Variants in KLRD1 observed in about 807,000 individuals in gnomAD.
KLRD1 encodes natural killer cells antigen CD94.
A neutral mutation model predicts 22.6 loss-of-function variants in KLRD1; 21 were observed. That is an observed-to-expected ratio of 0.93 (90% CI 0.66 to 1.34). The LOEUF is 1.34. Ranked by LOEUF, KLRD1 falls within the 40% of genes most tolerant of loss-of-function variation. The pLI is 0.00. For missense variants in KLRD1, 183 were observed against 208.6 expected (o/e 0.88, Z 0.76); for synonymous variants, 59 against 71.1 (o/e 0.83, Z 0.85).
chr12:10,247,292 A>G (rs562287154), intron 1 of KLRD1, among the ~76,000 whole-genome samples: 1 of 152,164 alleles, frequency 6.6e-6, no homozygotes, highest in South Asian at 2.1e-4. Context: ...CTGAATTTTT[A>G]TATTTCTAAT....
At chr12:10,287,201 A>G (rs941880269) in intron 1 of KLRD1, among the ~76,000 whole-genome samples, 27 of 151,984 alleles carry the variant, frequency 1.8e-4, no homozygotes, top group Admixed American at 1.1e-3. Context: ...ATGATTAAAA[A>G]CCGTGGTGAA....
At chr12:10,244,397 C>T (rs1949271602) in intron 1 of KLRD1, among the ~76,000 whole-genome samples, 3 of 152,124 alleles carry the variant, frequency 2.0e-5, no homozygotes. Flanking sequence ...CACTCAATTT[C>T]AGTCAGTGTC....
In KLRD1 at chr12:10,324,561, A is replaced by T. The variant is rs1950341755; in HGVS notation, c.*9768A>T. The T allele has an allele frequency of 6.6e-6, 1 of 151,876 alleles. No individual in the cohort carries two copies. The highest frequency in any genetic ancestry group is 1.5e-5 in the Non-Finnish European group (1 of 67,958). 9.4% of individuals were successfully genotyped at this position (151,876 alleles called of 1,614,324 possible). ...AGTTCTATCCATGTTCCTGCAAAGG[A>T]CATGATTTTTTTCTTTTTTATGTCT... is the stretch of plus-strand genomic sequence containing the variant. On this transcript the variant is annotated 3_prime_UTR_variant, in exon 6 of 6. Transcript: ENST00000336164.
At chr12:10,269,309 C>T (rs1197079264) in intron 1 of KLRD1, among the ~76,000 whole-genome samples, 1 of 152,070 alleles carries the variant, frequency 6.6e-6, no homozygotes, top group East Asian at 1.9e-4. Flanking sequence ...TGCCACCATG[C>T]CCAGCTAATT....
At chr12:10,303,577 A>C (rs531537091), upstream of KLRD1, among the ~76,000 whole-genome samples, 1 of 152,328 alleles carries the variant, frequency 6.6e-6, no homozygotes, top group African/African-American at 2.4e-5. Flanking sequence ...TCCTTTACAA[A>C]AGGGCAGCTT....
intron 1 of KLRD1, among the ~76,000 whole-genome samples, chr12:10,251,466 T>C (rs1319517843): frequency 6.6e-6 from 1 of 152,086 alleles, no homozygotes; most frequent in African/African-American, 2.4e-5. Context: ...AGGAATGGTC[T>C]GGTCCAGTGG....
intron 1 of KLRD1, among the ~76,000 whole-genome samples, chr12:10,258,079 T>G (rs1949416481): frequency 1.3e-5 from 2 of 151,924 alleles, no homozygotes; most frequent in African/African-American, 4.9e-5. Context: ...TTCTGAGTAT[T>G]TGTATAATTG....
intron 1 of KLRD1, among the ~76,000 whole-genome samples, chr12:10,255,913 C>T (rs893133050): frequency 4.6e-5 from 7 of 151,950 alleles, no homozygotes; most frequent in East Asian, 3.8e-4. Context: ...CATTATTGGA[C>T]ATAGGCATTA....
Position 10,315,358 on chromosome 12 carries a change from T to A in KLRD1, c.*565T>A. On this transcript the variant is annotated 3_prime_UTR_variant, in exon 6 of 6. Transcript: ENST00000336164. The stretch of plus-strand genomic sequence containing the variant: ...CCAGGCTGGTCTTGAACTCCTGGCC[T>A]CAAGGGATTCTCCCACCTTGGATTC... The A allele has an allele frequency of 2.5e-6, 1 of 401,186 alleles. No homozygotes were observed. The highest frequency in any genetic ancestry group is 1.8e-5 in the South Asian group (1 of 55,944). 24.9% of individuals were successfully genotyped at this position (401,186 alleles called of 1,614,324 possible). A position where few individuals can be genotyped will look rare whatever the true frequency, so the allele number is the denominator to read the frequency against.
At chr12:10,296,082 A>G (rs1462853189) in intron 1 of KLRD1, among the ~76,000 whole-genome samples, 1 of 152,174 alleles carries the variant, frequency 6.6e-6, no homozygotes, top group African/African-American at 2.4e-5. Flanking sequence ...TAATCTATAA[A>G]TGGGTCCATT....
intron 1 of KLRD1, among the ~76,000 whole-genome samples, chr12:10,294,072 A>G (rs1280292905): frequency 2.0e-5 from 3 of 152,198 alleles, no homozygotes; most frequent in African/African-American, 7.2e-5. Context: ...TGGTAAATTC[A>G]GAGATGGTGG....
Position 10,280,625 on chromosome 12 carries a change from T to C in KLRD1, c.-100-27353T>C, listed in dbSNP as rs1051547057. 2.0e-5 allele frequency among the ~76,000 whole-genome samples: 3 copies of C among 152,152 alleles called. No homozygotes were observed. The East Asian group carries it at 5.8e-4, about 29-fold the overall frequency. ...AAATGAGGAAGGAGCTAGAGAATTA[T>C]ATAATTTTTCCACTTTCTCATCCCA... is the stretch of plus-strand genomic sequence containing the variant. On this transcript the variant is annotated intron_variant, in intron 1 of 5. Transcript: ENST00000544747.
At chr12:10,310,923 G>T (rs1311871789) in intron 3 of KLRD1, among the ~76,000 whole-genome samples, 1 of 152,134 alleles carries the variant, frequency 6.6e-6, no homozygotes, top group East Asian at 1.9e-4. Context: ...TTGATAAACT[G>T]TATAATTAAG....
chr12:10,272,028 G>A (rs2617135), intron 1 of KLRD1, among the ~76,000 whole-genome samples: 26,845 of 151,954 alleles, frequency 0.18, 4,532 homozygotes, highest in African/African-American at 0.44. Flanking sequence ...TAATAATACC[G>A]GTGGTGTAGA....
chr12:10,292,251 C>T (rs1457263676), intron 1 of KLRD1, among the ~76,000 whole-genome samples: 2 of 152,306 alleles, frequency 1.3e-5, no homozygotes, highest in Admixed American at 6.5e-5. Context: ...TATTTGACCT[C>T]CTCCCATGAA....
At position 10,325,342 on chromosome 12, in the gene KLRD1, G is replaced by C. The variant is rs1014665059; in HGVS notation, c.*10549G>C. Reference sequence around the variant, plus strand: ...TTTTACGTATCTTTGCAGATGCTTTGCTAATTTTTTAAAATTTTATTTTAT... The same window carrying C: ...TTTTACGTATCTTTGCAGATGCTTTCCTAATTTTTTAAAATTTTATTTTAT... On this transcript the variant is annotated 3_prime_UTR_variant, in exon 6 of 6. Coordinates refer to ENST00000336164, the MANE Select transcript of KLRD1 (RefSeq NM_002262.5). The C allele has an allele frequency of 6.6e-6, 1 of 151,982 alleles. No homozygotes were observed. Among genetic ancestry groups the C allele is most frequent in the Admixed American group, 6.6e-5 (1 of 15,254 alleles). 9.4% of individuals were successfully genotyped at this position (151,982 alleles called of 1,614,324 possible). A position where few individuals can be genotyped will look rare whatever the true frequency, so the allele number is the denominator to read the frequency against.
rs1205255186 is a variant in KLRD1, at chr12:10,309,615, A to T, written c.101-11A>T. On this transcript the variant is annotated splice_polypyrimidine_tract_variant and intron_variant, in intron 2 of 5. Transcript: ENST00000336164. ...TACCTAATTAAACAAATTTCTAATC[A>T]TTTCTTATAGCTTTTACTAAACTGA... 8 of 1,601,132 alleles carry T rather than the reference A, an allele frequency of 5.0e-6. No individual in the cohort carries two copies. Among genetic ancestry groups the T allele is most frequent in the African/African-American group, 1.3e-5 (1 of 74,614 alleles).
intron 1 of KLRD1, among the ~76,000 whole-genome samples, chr12:10,291,615 CTT>C (rs60356564): frequency 0.86 from 124,680 of 145,096 alleles, 54,345 homozygotes; most frequent in South Asian, 0.94. Flanking sequence ...TCAGCCACAT[CTT>C]TTTTTTTTTT....
At chr12:10,248,194 C>G (rs1949310294) in intron 1 of KLRD1, among the ~76,000 whole-genome samples, 1 of 152,052 alleles carries the variant, frequency 6.6e-6, no homozygotes, top group African/African-American at 2.4e-5. Flanking sequence ...AATGGAAATT[C>G]TCTGATCCTG....
Sources: allele counts gnomAD v4.1 joint callset (sites outside exome capture counted in the v4.1 genomes callset), GRCh38; gene constraint gnomAD v4.1.1; transcripts MANE v1.5; gene names NCBI Gene and HGNC (gene_info 2026-07-23, HGNC 2026-07-21).